Variants in MYO16 observed in about 807,000 individuals in gnomAD.
MYO16 encodes unconventional myosin-XVI.
MYO16 carries 94 observed loss-of-function variants against 205.3 expected under a neutral mutation model. The observed-to-expected ratio is 0.46, with a 90% CI of 0.39 to 0.54. The LOEUF (loss-of-function observed/expected upper bound fraction) is 0.54, where lower values mean the gene tolerates loss of function less well. Ranked by LOEUF, MYO16 falls within the 20% of genes least tolerant of loss-of-function variation. The pLI, the probability that MYO16 is intolerant of heterozygous loss-of-function variation, is 0.00. For missense variants in MYO16, 2,315 were observed against 2,387.5 expected, an observed-to-expected ratio of 0.97 and a Z score of 0.63; for synonymous variants, 988 against 954.0, an observed-to-expected ratio of 1.04 and a Z score of -0.66.
intron 12 of MYO16, among the ~76,000 whole-genome samples, chr13:108,876,057 AAC>A (rs1237446310): frequency 2.6e-5 from 4 of 152,156 alleles, no homozygotes; most frequent in African/African-American, 9.7e-5. Flanking sequence ...GGAGGAGTGA[AAC>A]AGTGTTAGTA....
At chr13:109,163,292 A>C (rs775613351) in intron 32 of MYO16, among the ~76,000 whole-genome samples, 8 of 152,206 alleles carry the variant, frequency 5.3e-5, no homozygotes, top group Non-Finnish European at 1.2e-4. Flanking sequence ...CCAAAGCAAG[A>C]AAACAGGAGT....
chr13:108,887,247 A>C (rs1879943811), intron 13 of MYO16, among the ~76,000 whole-genome samples: 1 of 152,208 alleles, frequency 6.6e-6, no homozygotes, highest in Admixed American at 6.5e-5. Flanking sequence ...AAAAGTCTGC[A>C]CAAGTGAGTG....
chr13:108,941,897 T>C (rs1882744878), intron 16 of MYO16, among the ~76,000 whole-genome samples: 3 of 152,182 alleles, frequency 2.0e-5, no homozygotes, highest in Admixed American at 1.3e-4. Flanking sequence ...ATTTTGCTGC[T>C]TTGGTTACTA....
intron 16 of MYO16, among the ~76,000 whole-genome samples, chr13:108,956,138 T>A (rs1279011045): frequency 6.6e-6 from 1 of 152,322 alleles, no homozygotes; most frequent in South Asian, 2.1e-4. Context: ...ATGTCTAATA[T>A]CAAATATAAG....
At chr13:108,821,836 A>G (rs1875989347) in intron 8 of MYO16, among the ~76,000 whole-genome samples, 1 of 152,210 alleles carries the variant, frequency 6.6e-6, no homozygotes, top group African/African-American at 2.4e-5. Context: ...TTGGTCATGC[A>G]AAGTCGACCA....
chr13:108,984,664 T>C (rs1884566832), intron 20 of MYO16, among the ~76,000 whole-genome samples: 1 of 152,224 alleles, frequency 6.6e-6, no homozygotes, highest in East Asian at 1.9e-4. Flanking sequence ...GGTTTCGTGC[T>C]TTTTGAGTTT....
chr13:108,508,515 C>T, the MYO16 span, among the ~76,000 whole-genome samples: 2 of 152,006 alleles, frequency 1.3e-5, no homozygotes, highest in East Asian at 1.9e-4. Flanking sequence ...TCAGTGGCTC[C>T]CAGGGATCTA....
intron 34 of MYO16, among the ~76,000 whole-genome samples, chr13:109,187,625 G>A (rs1879739934): frequency 6.6e-6 from 1 of 151,982 alleles, no homozygotes; most frequent in Non-Finnish European, 1.5e-5. Context: ...CTTTCTCTTT[G>A]GCTAATACTG....
At chr13:108,974,256 A>G (rs922815390) in intron 20 of MYO16, among the ~76,000 whole-genome samples, 2 of 152,122 alleles carry the variant, frequency 1.3e-5, no homozygotes, top group Admixed American at 1.3e-4. Context: ...AAGTGATAGA[A>G]TTTTCTATGA....
chr13:109,146,367 A>G (rs1409450663), intron 32 of MYO16, among the ~76,000 whole-genome samples: 1 of 152,132 alleles, frequency 6.6e-6, no homozygotes, highest in African/African-American at 2.4e-5. Context: ...CTTATGGAAA[A>G]TTTCAAACAT....
rs765329798 is a variant in MYO16 at position 108,712,768 on chromosome 13, C to T, written c.363+37C>T. ...GACAGTCAGTGCCAGTGCATGGGGACACCCGGGGGAGAGTACATTACAGGT... is the reference window on the plus strand; with the variant it reads ...GACAGTCAGTGCCAGTGCATGGGGATACCCGGGGGAGAGTACATTACAGGT... On this transcript the variant is annotated intron_variant, in intron 3 of 34. Transcript: ENST00000457511. 31 of 1,549,882 alleles carry T rather than the reference C, an allele frequency of 2.0e-5. No homozygotes were observed. In the African/African-American group the frequency reaches 3.8e-4, roughly 19 times the overall value.
At chr13:108,883,444 A>T (rs1236352760) in intron 13 of MYO16, among the ~76,000 whole-genome samples, 2 of 152,200 alleles carry the variant, frequency 1.3e-5, no homozygotes, top group African/African-American at 2.4e-5. Context: ...AAGCTTAGAT[A>T]AAAAGTTTTT....
rs963401177 is a variant in MYO16 at position 109,180,831 on chromosome 13, C to T, written c.5415+1198C>T. Among the ~76,000 whole-genome samples, 14 of 152,306 alleles carry T rather than the reference C, an allele frequency of 9.2e-5. No individual in the cohort carries two copies. The East Asian group carries it at 2.7e-3, about 29-fold the overall frequency. On this transcript the variant is annotated intron_variant, in intron 34 of 34. Transcript: ENST00000457511. ...TTCCTTAGAGATGCATCTACTTTAC[C>T]TTGTAAGCATCACAGATGCTTCCTC...
chr13:108,752,814 T>C (rs1156917504), intron 4 of MYO16, among the ~76,000 whole-genome samples: 7 of 141,840 alleles, frequency 4.9e-5, no homozygotes, highest in Non-Finnish European at 3.1e-5. Flanking sequence ...GCTAATTTTT[T>C]TTTTTTTTTT....
chr13:108,586,858 CA>C, the MYO16 span, among the ~76,000 whole-genome samples: 1 of 152,188 alleles, frequency 6.6e-6, no homozygotes, highest in Non-Finnish European at 1.5e-5. Context: ...CCTGTGATTG[CA>C]TTATTGTTCC....
intron 27 of MYO16, among the ~76,000 whole-genome samples, chr13:109,100,003 C>T (rs1171892635): frequency 6.6e-5 from 10 of 152,192 alleles, no homozygotes; most frequent in Admixed American, 2.6e-4. Context: ...ATCATAAACA[C>T]AGAAGGCAAC....
intron 21 of MYO16, among the ~76,000 whole-genome samples, chr13:108,998,921 C>T (rs537008672): frequency 2.0e-5 from 3 of 152,276 alleles, no homozygotes; most frequent in East Asian, 3.9e-4. Context: ...GAAACACATG[C>T]GGAAGCTGGA....
At chr13:108,863,427 T>G (rs1481559947) in intron 11 of MYO16, among the ~76,000 whole-genome samples, 1 of 152,184 alleles carries the variant, frequency 6.6e-6, no homozygotes, top group Non-Finnish European at 1.5e-5. Flanking sequence ...TATTATTAAA[T>G]GCTTTATCTC....
chr13:108,904,857 G>A (rs979594915), intron 15 of MYO16, among the ~76,000 whole-genome samples: 4 of 152,064 alleles, frequency 2.6e-5, no homozygotes, highest in African/African-American at 7.2e-5. Context: ...ACACAAGATC[G>A]TTCCTTGTCT....
Sources: gnomAD v4.1 joint callset for allele counts (sites outside exome capture counted in the v4.1 genomes callset) on GRCh38, gnomAD v4.1.1 for gene constraint, MANE v1.5 for transcripts, NCBI Gene and HGNC (gene_info 2026-07-23, HGNC 2026-07-21) for gene names.